The following SLC35F4 variants were observed in gnomAD, a reference collection of about 807,000 sequenced individuals.
SLC35F4 encodes solute carrier family 35 member F4.
A neutral mutation model predicts 44.2 loss-of-function variants in SLC35F4; 24 were observed. The observed-to-expected ratio is 0.54, with a 90% CI of 0.39 to 0.76. SLC35F4 has a LOEUF of 0.76. Among genes scored for constraint, SLC35F4 ranks in the 30% least tolerant of loss-of-function variants. SLC35F4 has a pLI of 0.00. For synonymous variants in SLC35F4, 238 were observed against 223.6 expected (o/e 1.06, Z -0.57); for missense variants, 562 against 586.1 (o/e 0.96, Z 0.42).
chr14:57,870,306 C>T (rs55767542), upstream of SLC35F4, among the ~76,000 whole-genome samples: 2,233 of 152,126 alleles, frequency 0.015, 25 homozygotes, highest in Non-Finnish European at 0.022. Flanking sequence ...ATACTGTACT[C>T]GGCAGTACAG....
intron 3 of SLC35F4, among the ~76,000 whole-genome samples, chr14:57,588,357 A>ATTTTT (rs60172708): frequency 0.31 from 46,619 of 150,146 alleles, 7,180 homozygotes; most frequent in Middle Eastern, 0.35. Context: ...TGGTGTCCCT[A>ATTTTT]TTTTTTTTTC....
At chr14:57,694,671 T>C (rs537754719) in intron 1 of SLC35F4, among the ~76,000 whole-genome samples, 1 of 152,302 alleles carries the variant, frequency 6.6e-6, no homozygotes, top group South Asian at 2.1e-4. Flanking sequence ...TCTGTGAACA[T>C]AGCATATCTC....
chr14:57,617,735 C>A (rs1239494604), intron 1 of SLC35F4, among the ~76,000 whole-genome samples: 6 of 152,126 alleles, frequency 3.9e-5, no homozygotes, highest in Admixed American at 3.3e-4. Flanking sequence ...GGCATTTAAC[C>A]AGGCTGGGGG....
intron 1 of SLC35F4, among the ~76,000 whole-genome samples, chr14:57,928,987 G>C (rs1428872134): frequency 1.3e-5 from 2 of 152,150 alleles, no homozygotes; most frequent in African/African-American, 4.8e-5. Context: ...CAACAGAAAT[G>C]ACCAAATCTG....
intron 1 of SLC35F4, among the ~76,000 whole-genome samples, chr14:57,748,734 T>C (rs1437069381): frequency 6.6e-6 from 1 of 152,140 alleles, no homozygotes; most frequent in Admixed American, 6.6e-5. Context: ...TGCATCTAAA[T>C]ATAATGAATC....
chr14:57,877,291 A>T (rs1888418529), intron 1 of SLC35F4, among the ~76,000 whole-genome samples: 1 of 152,204 alleles, frequency 6.6e-6, no homozygotes, highest in Non-Finnish European at 1.5e-5. Context: ...TAATTGACTT[A>T]GGGTAATAGC....
At chr14:57,751,805 T>G (rs2076890042) in intron 1 of SLC35F4, among the ~76,000 whole-genome samples, 1 of 152,196 alleles carries the variant, frequency 6.6e-6, no homozygotes, top group African/African-American at 2.4e-5. Flanking sequence ...ATGAGGGCAT[T>G]GACAGTTTTT....
At chr14:57,863,734 T>C (rs1335511942) in intron 1 of SLC35F4, among the ~76,000 whole-genome samples, 2 of 152,226 alleles carry the variant, frequency 1.3e-5, no homozygotes, top group East Asian at 1.9e-4. Flanking sequence ...CTGTGCAAAA[T>C]AGCAATCTTT....
At chr14:57,761,941 C>G (rs1308705328) in intron 1 of SLC35F4, among the ~76,000 whole-genome samples, 1 of 152,054 alleles carries the variant, frequency 6.6e-6, no homozygotes, top group East Asian at 1.9e-4. Flanking sequence ...GCTCACAGAA[C>G]TGATGTGAAA....
intron 1 of SLC35F4, among the ~76,000 whole-genome samples, chr14:57,815,595 T>C (rs1221170472): frequency 2.0e-5 from 3 of 152,200 alleles, no homozygotes; most frequent in South Asian, 2.1e-4. Flanking sequence ...GTGACCCTTC[T>C]TACTTCTACC....
chr14:57,937,064 C>CTTTTTTTTTTTT (rs11458039), intron 1 of SLC35F4, among the ~76,000 whole-genome samples: 2 of 144,218 alleles, frequency 1.4e-5, no homozygotes, highest in African/African-American at 2.6e-5. Flanking sequence ...ATTTTACCTG[C>CTTTTTTTTTTTT]TTTTTTTTTT....
chr14:57,612,434 C>T (rs2071569610), intron 1 of SLC35F4, among the ~76,000 whole-genome samples: 1 of 152,330 alleles, frequency 6.6e-6, no homozygotes, highest in Non-Finnish European at 1.5e-5. Flanking sequence ...CATATTCAAG[C>T]TTCAAGTCTC....
intron 4 of SLC35F4, among the ~76,000 whole-genome samples, chr14:57,577,959 C>T (rs1479116457): frequency 6.6e-6 from 1 of 152,074 alleles, no homozygotes; most frequent in Non-Finnish European, 1.5e-5. Context: ...AAATGTAAAA[C>T]AGATTACCTT....
At chr14:57,755,186 C>T (rs998855940) in intron 1 of SLC35F4, among the ~76,000 whole-genome samples, 1 of 152,182 alleles carries the variant, frequency 6.6e-6, no homozygotes, top group African/African-American at 2.4e-5. Context: ...CACCCTGGAC[C>T]CACCACAGGG....
At chr14:57,748,867 G>A (rs1054309572) in intron 1 of SLC35F4, among the ~76,000 whole-genome samples, 1 of 152,170 alleles carries the variant, frequency 6.6e-6, no homozygotes, top group Non-Finnish European at 1.5e-5. Context: ...AGTTTAGACT[G>A]TAAATTCCAA....
chr14:57,717,848 T>C (rs2075983160), intron 1 of SLC35F4, among the ~76,000 whole-genome samples: 1 of 152,236 alleles, frequency 6.6e-6, no homozygotes, highest in African/African-American at 2.4e-5. Context: ...ATTTATCCTT[T>C]GTTACAAACA....
intron 1 of SLC35F4, among the ~76,000 whole-genome samples, chr14:57,920,455 C>T (rs764952125): frequency 6.6e-6 from 1 of 152,134 alleles, no homozygotes; most frequent in Non-Finnish European, 1.5e-5. Context: ...CCCCTGTAGT[C>T]CTAGCTATTC....
At chr14:57,642,477 T>C (rs2073295009) in intron 1 of SLC35F4, among the ~76,000 whole-genome samples, 1 of 152,024 alleles carries the variant, frequency 6.6e-6, no homozygotes, top group Non-Finnish European at 1.5e-5. Context: ...TTTTCCAATT[T>C]ACTTTTATTT....
intron 1 of SLC35F4, among the ~76,000 whole-genome samples, chr14:57,606,430 C>G (rs1273081717): frequency 2.6e-5 from 4 of 152,144 alleles, no homozygotes; most frequent in African/African-American, 9.7e-5. Context: ...AAATAAGCAA[C>G]TGATTTTAAT....
Sources: allele counts gnomAD v4.1 joint callset (sites outside exome capture counted in the v4.1 genomes callset), GRCh38; gene constraint gnomAD v4.1.1; transcripts MANE v1.5; gene names NCBI Gene and HGNC (gene_info 2026-07-23, HGNC 2026-07-21).